The following CCDC7 variants were observed in gnomAD, a reference collection of about 807,000 sequenced individuals.
CCDC7 encodes coiled-coil domain-containing protein 7.
Under a neutral mutation model 196.9 loss-of-function variants are expected in CCDC7, and 183 were observed. The observed-to-expected ratio is 0.93, with a 90% CI of 0.82 to 1.05. The LOEUF (loss-of-function observed/expected upper bound fraction) is 1.05, where lower values mean the gene tolerates loss of function less well. CCDC7 is among the 50% of genes least tolerant of loss of function. The pLI, the probability that CCDC7 is intolerant of heterozygous loss-of-function variation, is 0.00. For missense variants in CCDC7, 1,540 were observed against 1,482.2 expected (o/e 1.04, Z -0.64); for synonymous variants, 525 against 484.6 (o/e 1.08, Z -1.10).
At chr10:32,515,700 C>T (rs2046910650) in intron 9 of CCDC7, among the ~76,000 whole-genome samples, 1 of 150,996 alleles carries the variant, frequency 6.6e-6, no homozygotes, top group Admixed American at 6.6e-5. Flanking sequence ...CCTGCCACCA[C>T]ACCCGGCTAA....
chr10:32,618,943 CTTTTATCTTTAT>C (rs140849471), intron 18 of CCDC7, among the ~76,000 whole-genome samples: 15,924 of 151,940 alleles, frequency 0.1, 1,026 homozygotes, highest in South Asian at 0.25. Flanking sequence ...CTGTTCTATT[CTTTTATCTTTAT>C]TTTTATCTGA....
intron 9 of CCDC7, among the ~76,000 whole-genome samples, chr10:32,517,043 A>T (rs1480489644): frequency 6.6e-6 from 1 of 152,234 alleles, no homozygotes; most frequent in Non-Finnish European, 1.5e-5. Context: ...CTGTGGAACA[A>T]TGTCACCAAA....
chr10:32,812,311 A>G (rs998352805), intron 30 of CCDC7, among the ~76,000 whole-genome samples: 1 of 152,088 alleles, frequency 6.6e-6, no homozygotes, highest in African/African-American at 2.4e-5. Context: ...TAAGAAGGTT[A>G]ATATAATACA....
At chr10:32,659,915 G>A (rs543758666) in intron 20 of CCDC7, among the ~76,000 whole-genome samples, 2 of 152,240 alleles carry the variant, frequency 1.3e-5, no homozygotes, top group South Asian at 2.1e-4. Flanking sequence ...AGACAGTATG[G>A]TGATTCATCA....
chr10:32,526,267 C>G (rs1464425308), intron 11 of CCDC7, among the ~76,000 whole-genome samples: 1 of 152,142 alleles, frequency 6.6e-6, no homozygotes, highest in Non-Finnish European at 1.5e-5. Context: ...CTTCCTTCAG[C>G]TTGTGGTGAA....
At chr10:32,809,115 G>A (rs1026899405) in intron 30 of CCDC7, among the ~76,000 whole-genome samples, 1 of 152,136 alleles carries the variant, frequency 6.6e-6, no homozygotes, top group African/African-American at 2.4e-5. Context: ...TCCACAAATT[G>A]AGAGAAGTGA....
intron 28 of CCDC7, among the ~76,000 whole-genome samples, chr10:32,733,324 A>G (rs1444614188): frequency 2.0e-5 from 3 of 152,084 alleles, no homozygotes; most frequent in African/African-American, 7.2e-5. Flanking sequence ...ATGTATTTTG[A>G]ATTACAGAGG....
At chr10:32,491,924 A>G in exon 9 of CCDC7, 1 of 1,556,078 alleles carries the variant, frequency 6.4e-7, no homozygotes. Context: ...AATAATAGAA[A>G]CTGCTCATTC....
intron 31 of CCDC7, among the ~76,000 whole-genome samples, chr10:32,821,384 C>T (rs1029272868): frequency 6.6e-6 from 1 of 152,122 alleles, no homozygotes; most frequent in Non-Finnish European, 1.5e-5. Flanking sequence ...CTAGTTCAAC[C>T]ATTGTGGAAG....
intron 11 of CCDC7, among the ~76,000 whole-genome samples, chr10:32,530,803 A>G (rs1466123658): frequency 6.6e-6 from 1 of 152,138 alleles, no homozygotes; most frequent in East Asian, 1.9e-4. Context: ...ATGTTTAATA[A>G]AAGTGGTGAA....
chr10:32,539,032 T>G (rs1428130345), intron 11 of CCDC7, among the ~76,000 whole-genome samples: 4 of 152,116 alleles, frequency 2.6e-5, no homozygotes, highest in African/African-American at 9.7e-5. Flanking sequence ...TCCTCCTCAG[T>G]TTTTTTGAAT....
chr10:32,576,854 T>C (rs1348373430), intron 16 of CCDC7, among the ~76,000 whole-genome samples: 1 of 152,184 alleles, frequency 6.6e-6, no homozygotes, highest in Non-Finnish European at 1.5e-5. Context: ...TTGGCCATTG[T>C]GTTCCTTCAT....
At chr10:32,590,323 A>AACC (rs71515567) in intron 18 of CCDC7, among the ~76,000 whole-genome samples, 1 of 69,938 alleles carries the variant, frequency 1.4e-5, no homozygotes, top group Non-Finnish European at 5.8e-5. Flanking sequence ...TTGCACAAAT[A>AACC]ACAACAACAA....
chr10:32,475,508 T>C (rs1281056268), intron 8 of CCDC7, among the ~76,000 whole-genome samples: 3 of 152,202 alleles, frequency 2.0e-5, no homozygotes, highest in Non-Finnish European at 4.4e-5. Context: ...TAAAACCACA[T>C]TTCAAAAGGA....
At chr10:32,834,162 C>A (rs1225008921) in intron 32 of CCDC7, among the ~76,000 whole-genome samples, 1 of 152,028 alleles carries the variant, frequency 6.6e-6, no homozygotes, top group Non-Finnish European at 1.5e-5. Flanking sequence ...TCTTCCTCAC[C>A]ATCTACAAAG....
At chr10:32,550,930 G>T (rs1273425958) in intron 13 of CCDC7, among the ~76,000 whole-genome samples, 1 of 151,914 alleles carries the variant, frequency 6.6e-6, no homozygotes, top group African/African-American at 2.4e-5. Flanking sequence ...ATTAGGGAGG[G>T]TTCCTTCTTT....
chr10:32,608,333 T>G (rs1246742479), intron 18 of CCDC7, among the ~76,000 whole-genome samples: 1 of 152,124 alleles, frequency 6.6e-6, no homozygotes, highest in Non-Finnish European at 1.5e-5. Flanking sequence ...CTTCTACAAA[T>G]TTTTGGTTTG....
chr10:32,817,871 C>T (rs1394887322), intron 31 of CCDC7, among the ~76,000 whole-genome samples: 1 of 152,150 alleles, frequency 6.6e-6, no homozygotes, highest in Admixed American at 6.5e-5. Context: ...CGGTACCAGC[C>T]ACGGCAAAAA....
intron 29 of CCDC7, among the ~76,000 whole-genome samples, chr10:32,797,504 G>T (rs1396930958): frequency 1.3e-5 from 2 of 151,932 alleles, no homozygotes; most frequent in East Asian, 3.9e-4. Context: ...GGACTTTGGG[G>T]ACTCAAAAGC....
Sources: allele counts gnomAD v4.1 joint callset (sites outside exome capture counted in the v4.1 genomes callset), GRCh38; gene constraint gnomAD v4.1.1; transcripts MANE v1.5; gene names NCBI Gene and HGNC (gene_info 2026-07-23, HGNC 2026-07-21).